The following CD7 variants were observed in gnomAD, a reference collection of about 807,000 sequenced individuals.
CD7 encodes the protein CD7 molecule.
CD7 carries 19 observed loss-of-function variants against 17.6 expected under a neutral mutation model. The observed-to-expected ratio is 1.08, with a 90% CI of 0.75 to 1.58. CD7 has a LOEUF of 1.58. Ranked by LOEUF, CD7 falls within the 40% of genes most tolerant of loss-of-function variation. The probability of loss-of-function intolerance (pLI) is 0.00; values close to 1 mark genes in which losing one functional copy is unlikely to be tolerated. For synonymous variants in CD7, 160 were observed against 159.8 expected (o/e 1.00, Z -0.01); for missense variants, 291 against 327.1 (o/e 0.89, Z 0.85).
Position 82,316,910 on chromosome 17 carries a change from C to A in CD7, c.154G>T (p.Gly52Trp), listed in dbSNP as rs536476554. The A allele has an allele frequency of 1.9e-6, 3 of 1,611,944 alleles. No individual in the cohort carries two copies. The highest frequency in any genetic ancestry group is 2.2e-5 in the East Asian group (1 of 44,890). The change falls in exon 2 of 4, where the codon GGG becomes TGG. Residue 52 changes from glycine to tryptophan, a missense_variant. Coordinates refer to ENST00000312648, the MANE Select transcript of CD7 (RefSeq NM_006137.7). ...CTCAGGTAGATCCCACGCAGGCCCC[C>A]GCTGGTGGAGCAGGTGATGTTGACG... is the stretch of plus-strand genomic sequence containing the variant. ...ASVNITCSTS[G>W]GLRGIYLRQL...
At chr17:82,317,004 C>T in intron 1 of CD7, 23 bp from the exon 2 acceptor site, 1 of 1,555,628 alleles carries the variant, frequency 6.4e-7, no homozygotes, top group Non-Finnish European at 8.7e-7. Context: ...TGGGCTGTCA[C>T]CATCAGTCTG....
In CD7 at chr17:82,315,420, C is replaced by T. The variant is rs767558036; in HGVS notation, c.624G>A (p.Leu208=). Residue 208 remains leucine (L), a synonymous_variant, in exon 4 of 4, where the codon CTG becomes CTA. Transcript: ENST00000312648. ...CVLARTQIKK[L]CSWRDKNSAA... ...CCGAATTCTTATCCCGCCACGAGCA[C>T]AGTTTCTTTATCTGAAAGACAGAAC... 2 of 1,613,736 alleles carry T rather than the reference C, an allele frequency of 1.2e-6. No individual in the cohort carries two copies. The highest frequency in any genetic ancestry group is 1.7e-6 in the Non-Finnish European group (2 of 1,179,730).
In CD7 at chr17:82,316,991, A is replaced by AC. The variant is rs2052023615; in HGVS notation, c.83-11dup. On this transcript the variant is annotated splice_polypyrimidine_tract_variant and intron_variant, in intron 1 of 3. Coordinates refer to ENST00000312648, the MANE Select transcript of CD7 (RefSeq NM_006137.7). ...GGAGACTGCTGCACCTCTGGGGAGGACCTGGGCTGTCACCATCAGTCTGGC... is the reference window on the plus strand; with the variant it reads ...GGAGACTGCTGCACCTCTGGGGAGGACCCTGGGCTGTCACCATCAGTCTGGC... 1 of 1,570,206 alleles carries AC rather than the reference A, an allele frequency of 6.4e-7. No individual in the cohort carries two copies. Among genetic ancestry groups the AC allele is most frequent in the African/African-American group, 1.3e-5 (1 of 74,380 alleles).
intron 1 of CD7, 126 bp from the exon 2 acceptor site, chr17:82,317,107 ACGGTGCCTTACGGGG>A (rs2052024786): frequency 1.2e-6 from 1 of 855,314 alleles, no homozygotes; most frequent in African/African-American, 1.7e-5. Context: ...CGCCAAAGAC[ACGGTGCCTTACGGGG>A]CATGGAGCAG....
chr17:82,315,660 C>A, intron 3 of CD7: 1 of 558,056 alleles, frequency 1.8e-6, no homozygotes, highest in Non-Finnish European at 3.2e-6. Context: ...TTGGACCCCC[C>A]CACCAAGCCC....
In CD7 at chr17:82,315,133, A is replaced by G. The variant is rs2147259782; in HGVS notation, c.*188T>C. On this transcript the variant is annotated 3_prime_UTR_variant, in exon 4 of 4. Coordinates refer to ENST00000312648, the MANE Select transcript of CD7 (RefSeq NM_006137.7). The stretch of plus-strand genomic sequence containing the variant: ...CTTCCCGGAGGAGGCATCATTGTCC[A>G]CTGAGAAGCACCGTGGGGCCTGGCC... 1.8e-6 allele frequency: 1 copy of G among 557,494 alleles called. No homozygotes were observed. Among genetic ancestry groups the G allele is most frequent in the South Asian group, 2.0e-5 (1 of 50,762 alleles). 34.5% of individuals were successfully genotyped at this position (557,494 alleles called of 1,614,324 possible).
At chr17:82,315,752 C>T in intron 3 of CD7, 1 of 552,450 alleles carries the variant, frequency 1.8e-6, no homozygotes, top group Non-Finnish European at 3.3e-6. Flanking sequence ...CTGTGTCTGT[C>T]TGAGGCCCCC....
chr17:82,316,042 C>T (rs2052010413), intron 3 of CD7, 153 bp downstream of exon 3: 3 of 859,304 alleles, frequency 3.5e-6, no homozygotes, highest in Admixed American at 2.3e-5. Context: ...CCCTCCCTCC[C>T]CGCCGAGGCC....
chr17:82,317,174 G>A (rs895259849), intron 1 of CD7, 193 bp from the exon 2 acceptor site: 38 of 662,614 alleles, frequency 5.7e-5, no homozygotes, highest in African/African-American at 4.9e-4. Flanking sequence ...TGCTGTCCTC[G>A]TGTTCCGAGA....
At chr17:82,317,195 C>T in intron 1 of CD7, 1 of 661,096 alleles carries the variant, frequency 1.5e-6, no homozygotes, top group Non-Finnish European at 2.5e-6. Flanking sequence ...CTGTGGGCTT[C>T]TTCCTCCCAA....
chr17:82,315,280 G>A lies in CD7; in HGVS notation c.*41C>T, dbSNP rs1382364911. The stretch of plus-strand genomic sequence containing the variant: ...GGGGGCATGGTGGGGCAGGGAAGGT[G>A]CTGGGGGGACCACAGGCGGGACGTG... On this transcript the variant is annotated 3_prime_UTR_variant, in exon 4 of 4. Transcript: ENST00000312648. 8.0e-7 allele frequency: 1 copy of A among 1,257,396 alleles called. No homozygotes were observed. Among genetic ancestry groups the A allele is most frequent in the East Asian group, 2.8e-5 (1 of 35,654 alleles). 77.9% of individuals were successfully genotyped at this position (1,257,396 alleles called of 1,614,324 possible). A position where few individuals can be genotyped will look rare whatever the true frequency, so the allele number is the denominator to read the frequency against.
chr17:82,315,682 G>A (rs1385735212), intron 3 of CD7: 3 of 550,558 alleles, frequency 5.4e-6, no homozygotes, highest in Non-Finnish European at 9.8e-6. Context: ...AGCCAAGCGG[G>A]ACCCCCACTC....
chr17:82,317,263 C>T, intron 1 of CD7, 151 bp downstream of exon 1: 2 of 806,126 alleles, frequency 2.5e-6, no homozygotes, highest in South Asian at 1.7e-5. Context: ...ACCCTTTTTC[C>T]TTCTCTTAAA....
Position 82,316,203 on chromosome 17 carries a change from T to C in CD7, c.604A>G (p.Arg202Gly). 3.2e-6 allele frequency: 5 copies of C among 1,559,114 alleles called. No homozygotes were observed. In the South Asian group the frequency reaches 4.7e-5, roughly 15 times the overall value. ...CTGGGGCTCACACTGACCTGTGTCCTCGCCAGCACACACGCCACCCCCAGG... is the reference window on the plus strand; with the variant it reads ...CTGGGGCTCACACTGACCTGTGTCCCCGCCAGCACACACGCCACCCCCAGG... Reference protein sequence around the residue: ...LGLGVACVLARTQIKKLCSWR... With the variant: ...LGLGVACVLAGTQIKKLCSWR... Residue 202 changes from arginine to glycine, a missense_variant, in exon 3 of 4, where the codon AGG becomes GGG. Physicochemically the swap from Arg to Gly is moderately radical, Grantham distance 125. Transcript: ENST00000312648.
Position 82,316,276 on chromosome 17 carries a change from A to G in CD7, c.531T>C (p.Ser177=). ...TCACCGCCAGGGCCGCAGGGAGGGC[A>G]GAGGCTGCTGGCGGGTCAGGGAGGG... is the stretch of plus-strand genomic sequence containing the variant. ...ASALPDPPAA[S]ALPAALAVIS... The change falls in exon 3 of 4, where the codon TCT becomes TCC. Residue 177 remains serine, a synonymous_variant. Coordinates refer to ENST00000312648, the MANE Select transcript of CD7 (RefSeq NM_006137.7). The G allele has an allele frequency of 6.8e-7, 1 of 1,467,080 alleles. No individual in the cohort carries two copies. The highest frequency in any genetic ancestry group is 9.4e-7 in the Non-Finnish European group (1 of 1,065,842). 90.9% of individuals were successfully genotyped at this position (1,467,080 alleles called of 1,614,324 possible). A position where few individuals can be genotyped will look rare whatever the true frequency, so the allele number is the denominator to read the frequency against.
rs1176557196 is a variant in CD7, at chr17:82,316,925, T to C, written c.139A>G (p.Thr47Ala). Residue 47 changes from threonine (T) to alanine (A), a missense_variant, in exon 2 of 4, where the codon ACC becomes GCC. Coordinates refer to ENST00000312648, the MANE Select transcript of CD7 (RefSeq NM_006137.7). ...CGCAGGCCCCCGCTGGTGGAGCAGG[T>C]GATGTTGACGGAGGCTCCCACGGGG... Reference protein sequence around the residue: ...TVPVGASVNITCSTSGGLRGI... With the variant: ...TVPVGASVNIACSTSGGLRGI... The C allele has an allele frequency of 6.2e-7, 1 of 1,610,088 alleles. No homozygotes were observed. The highest frequency in any genetic ancestry group is 8.5e-7 in the Non-Finnish European group (1 of 1,179,630).
chr17:82,316,255 C>T lies in CD7; in HGVS notation c.552G>A (p.Ala184=), dbSNP rs1017669358. The T allele has an allele frequency of 1.1e-5, 17 of 1,574,278 alleles. No homozygotes were observed. The highest frequency in any genetic ancestry group is 1.7e-4 in the Middle Eastern group (1 of 5,996). ...CCAGCCCGAGGAGGAAGGAGATCACCGCCAGGGCCGCAGGGAGGGCAGAGG... is the reference window on the plus strand; with the variant it reads ...CCAGCCCGAGGAGGAAGGAGATCACTGCCAGGGCCGCAGGGAGGGCAGAGG... ...PAASALPAAL[A]VISFLLGLGL... The change falls in exon 3 of 4, where the codon GCG becomes GCA. Residue 184 remains alanine, a synonymous_variant. Transcript: ENST00000312648.
Position 82,315,249 on chromosome 17 carries a change from A to T in CD7, c.*72T>A, listed in dbSNP as rs2051997114. On this transcript the variant is annotated 3_prime_UTR_variant, in exon 4 of 4. Coordinates refer to ENST00000312648, the MANE Select transcript of CD7 (RefSeq NM_006137.7). The stretch of plus-strand genomic sequence containing the variant: ...AGGACAGCAGGGTGAGGGGTGTGGC[A>T]GGGTGGGGGGCATGGTGGGGCAGGG... 1 of 710,188 alleles carries T rather than the reference A, an allele frequency of 1.4e-6. No homozygotes were observed. The highest frequency in any genetic ancestry group is 2.1e-6 in the Non-Finnish European group (1 of 478,032). The allele number at this position is 710,188 out of a possible 1,614,324, so 44.0% of individuals were successfully genotyped here.
In CD7 at chr17:82,315,867, G is replaced by A. The variant is rs2052006574; in HGVS notation, c.612+328C>T. The stretch of plus-strand genomic sequence containing the variant: ...CACACCTGCACACGTGCACACGCGG[G>A]CCCAGCGCCTGGGCGCTCCCTCCTC... On this transcript the variant is annotated intron_variant, in intron 3 of 3. Transcript: ENST00000312648. 1.0e-5 allele frequency: 6 copies of A among 597,184 alleles called. No homozygotes were observed. In the South Asian group the frequency reaches 1.2e-4, roughly 12 times the overall value. 37.0% of individuals were successfully genotyped at this position (597,184 alleles called of 1,614,324 possible). A position where few individuals can be genotyped will look rare whatever the true frequency, so the allele number is the denominator to read the frequency against.
Sources: gnomAD v4.1 joint callset for allele counts on GRCh38, gnomAD v4.1.1 for gene constraint, MANE v1.5 for transcripts, NCBI Gene and HGNC (gene_info 2026-07-23, HGNC 2026-07-21) for gene names.